EPB41L2: variants seen among roughly 807,000 people sequenced by gnomAD.
EPB41L2 encodes the protein erythrocyte membrane protein band 4.1 like 2.
Under a neutral mutation model 113.0 loss-of-function variants are expected in EPB41L2, and 43 were observed. The observed-to-expected ratio is 0.38, with a 90% CI of 0.30 to 0.49. The LOEUF is 0.49. EPB41L2 is among the 20% of genes least tolerant of loss of function. The pLI is 0.95. For missense variants in EPB41L2, 1,147 were observed against 1,223.4 expected (o/e 0.94, Z 0.93); for synonymous variants, 442 against 436.7 (o/e 1.01, Z -0.15).
At chr6:130,927,212 A>G (rs543545354) in intron 3 of EPB41L2, among the ~76,000 whole-genome samples, 1 of 152,272 alleles carries the variant, frequency 6.6e-6, no homozygotes, top group Non-Finnish European at 1.5e-5. Context: ...CTATGCTCCT[A>G]TTTACAATTT....
At chr6:131,006,937 T>C (rs1219612200) in intron 1 of EPB41L2, among the ~76,000 whole-genome samples, 2 of 152,094 alleles carry the variant, frequency 1.3e-5, no homozygotes, top group Admixed American at 1.3e-4. Flanking sequence ...CTTAAGCAGC[T>C]TGGATCCCAT....
At chr6:131,001,251 T>C (rs1281231629) in intron 1 of EPB41L2, among the ~76,000 whole-genome samples, 4 of 152,106 alleles carry the variant, frequency 2.6e-5, no homozygotes, top group South Asian at 2.1e-4. Flanking sequence ...GGTGAACAAG[T>C]TGAGGGACAG....
In EPB41L2 at chr6:130,926,573, A is replaced by G. The variant is rs1804813320; in HGVS notation, c.810+32T>C. On this transcript the variant is annotated intron_variant, in intron 4 of 19. Transcript: ENST00000337057. ...TTAATAAAAAAATACAATATGTTCT[A>G]AAAAGATAAAAATAAACTTGAAATC... 4.1e-6 allele frequency: 6 copies of G among 1,455,726 alleles called. No homozygotes were observed. In the East Asian group the frequency reaches 1.4e-4, roughly 33 times the overall value. 90.2% of individuals were successfully genotyped at this position (1,455,726 alleles called of 1,614,324 possible).
chr6:130,842,539 TA>T (rs1301863908), intron 19 of EPB41L2, among the ~76,000 whole-genome samples: 1 of 151,992 alleles, frequency 6.6e-6, no homozygotes, highest in Non-Finnish European at 1.5e-5. Context: ...TTTATGTTAT[TA>T]AAAAAACAAA....
At chr6:130,994,988 GAACCTATATTC>G (rs1364094868) in intron 1 of EPB41L2, among the ~76,000 whole-genome samples, 2 of 151,840 alleles carry the variant, frequency 1.3e-5, no homozygotes, top group East Asian at 3.9e-4. Flanking sequence ...TTTCCAGACA[GAACCTATATTC>G]ATCCTACATA....
intron 1 of EPB41L2, among the ~76,000 whole-genome samples, chr6:131,025,583 C>T (rs1260501156): frequency 6.6e-6 from 1 of 152,178 alleles, no homozygotes; most frequent in African/African-American, 2.4e-5. Flanking sequence ...ATCATCTTCC[C>T]ACAAAACTGA....
chr6:130,869,868 T>G lies in EPB41L2; in HGVS notation c.2302A>C (p.Arg768=). 2 of 1,613,392 alleles carry G rather than the reference T, an allele frequency of 1.2e-6. No individual in the cohort carries two copies. Among genetic ancestry groups the G allele is most frequent in the Non-Finnish European group, 1.7e-6 (2 of 1,179,974 alleles). The change falls in exon 15 of 20, where the codon AGG becomes CGG. Residue 768 remains arginine (R), a synonymous_variant. Coordinates refer to ENST00000337057, the MANE Select transcript of EPB41L2 (RefSeq NM_001431.4). ...TCTTCTTCATACTCCTGTTCCTCCC[T>G]GATGGTGCCCTCGGTCACTCGGTGG... The part of the protein sequence containing the change: ...PHHRVTEGTI[R]EEQEYEEEVE...
chr6:130,848,451 C>G (rs531341136), intron 19 of EPB41L2, among the ~76,000 whole-genome samples: 37 of 152,146 alleles, frequency 2.4e-4, no homozygotes, highest in African/African-American at 7.5e-4. Flanking sequence ...CCAATATATC[C>G]AAATTATTAT....
In EPB41L2 at chr6:130,951,276, G is replaced by A. The variant is rs1199409425; in HGVS notation, c.705+3829C>T. Among the ~76,000 whole-genome samples the A allele has an allele frequency of 5.8e-5, 8 of 137,490 alleles. No homozygotes were observed. In the East Asian group the frequency reaches 1.8e-3, roughly 30 times the overall value. 90.2% of individuals were successfully genotyped at this position (137,490 alleles called of 152,430 possible). A position where few individuals can be genotyped will look rare whatever the true frequency, so the allele number is the denominator to read the frequency against. ...TCCAAAAAAAAAGGAGGGGGAGGGG[G>A]GGAGGGGAGGAGAAAAAAGATGCTC... On this transcript the variant is annotated intron_variant, in intron 3 of 19. Transcript: ENST00000337057.
intron 10 of EPB41L2, among the ~76,000 whole-genome samples, chr6:130,891,444 CTTACTTACTTAT>C (rs1200495268): frequency 6.6e-6 from 1 of 150,694 alleles, no homozygotes; most frequent in African/African-American, 2.5e-5. Context: ...TACTTACTTA[CTTACTTACTTAT>C]TTAATTTTTT....
At chr6:130,841,558 T>C (rs373598500) in intron 19 of EPB41L2, among the ~76,000 whole-genome samples, 1 of 152,326 alleles carries the variant, frequency 6.6e-6, no homozygotes, top group African/African-American at 2.4e-5. Flanking sequence ...ATGAGGAAGA[T>C]GACAAATGTC....
chr6:130,872,337 C>T, intron 14 of EPB41L2: 28 of 1,263,202 alleles, frequency 2.2e-5, no homozygotes, highest in Non-Finnish European at 2.8e-5. Flanking sequence ...TCATATGTGG[C>T]TTTTAGTAAC....
chr6:131,016,252 A>AAT (rs1258142501), intron 1 of EPB41L2, among the ~76,000 whole-genome samples: 1 of 152,162 alleles, frequency 6.6e-6, no homozygotes, highest in Non-Finnish European at 1.5e-5. Context: ...GGAATTTTAA[A>AAT]ATAATCATGT....
chr6:130,975,950 C>G (rs968797715), intron 1 of EPB41L2, among the ~76,000 whole-genome samples: 1 of 152,156 alleles, frequency 6.6e-6, no homozygotes, highest in Non-Finnish European at 1.5e-5. Flanking sequence ...ATCACTTGAG[C>G]CTGGGAGGTG....
chr6:131,055,099 T>C (rs1260719518), intron 1 of EPB41L2, among the ~76,000 whole-genome samples: 1 of 152,222 alleles, frequency 6.6e-6, no homozygotes, highest in Non-Finnish European at 1.5e-5. Context: ...CCCTCATTCT[T>C]TTGGCCTCCA....
chr6:131,026,383 A>G (rs1584619169), intron 1 of EPB41L2, among the ~76,000 whole-genome samples: 1 of 152,326 alleles, frequency 6.6e-6, no homozygotes, highest in Admixed American at 6.5e-5. Flanking sequence ...ATTTATTGGC[A>G]TTCTAATTCA....
intron 14 of EPB41L2, among the ~76,000 whole-genome samples, chr6:130,872,849 C>T (rs1786212931): frequency 6.6e-6 from 1 of 152,146 alleles, no homozygotes; most frequent in African/African-American, 2.4e-5. Context: ...GAGGTAGTTC[C>T]TTGGCCTTTC....
chr6:130,931,707 A>G (rs1806933400), intron 3 of EPB41L2, among the ~76,000 whole-genome samples: 1 of 152,180 alleles, frequency 6.6e-6, no homozygotes, highest in African/African-American at 2.4e-5. Flanking sequence ...GTGAAGAACC[A>G]AGGCACAATG....
chr6:131,014,526 T>A (rs1027664202), intron 1 of EPB41L2, among the ~76,000 whole-genome samples: 1 of 152,164 alleles, frequency 6.6e-6, no homozygotes, highest in African/African-American at 2.4e-5. Context: ...CAAAATTCAA[T>A]CTGTGACCCA....
Sources: gnomAD v4.1 joint callset for allele counts (sites outside exome capture counted in the v4.1 genomes callset) on GRCh38, gnomAD v4.1.1 for gene constraint, MANE v1.5 for transcripts, NCBI Gene and HGNC (gene_info 2026-07-23, HGNC 2026-07-21) for gene names.